ANKS1B: variants seen among roughly 807,000 people sequenced by gnomAD.
ANKS1B encodes the protein ankyrin repeat and sterile alpha motif domain-containing protein 1B.
A neutral mutation model predicts 148.3 loss-of-function variants in ANKS1B; 36 were observed. That is an observed-to-expected ratio of 0.24 (90% confidence interval 0.19 to 0.32). The LOEUF (loss-of-function observed/expected upper bound fraction) is 0.32, where lower values mean the gene tolerates loss of function less well. Ranked by LOEUF, ANKS1B falls within the 10% of genes least tolerant of loss-of-function variation. The probability of loss-of-function intolerance (pLI) is 1.00; values close to 1 mark genes in which losing one functional copy is unlikely to be tolerated. For missense variants in ANKS1B, 1,157 were observed against 1,542.6 expected (o/e 0.75, Z 4.19); for synonymous variants, 542 against 560.8 (o/e 0.97, Z 0.47).
intron 8 of ANKS1B, among the ~76,000 whole-genome samples, chr12:99,671,161 A>G (rs2098536417): frequency 6.6e-6 from 1 of 152,148 alleles, no homozygotes; most frequent in Non-Finnish European, 1.5e-5. Context: ...AATTGCAAGA[A>G]CAATATTTTC....
chr12:99,766,951 T>C (rs955061210), intron 8 of ANKS1B, among the ~76,000 whole-genome samples: 2 of 152,066 alleles, frequency 1.3e-5, no homozygotes, highest in African/African-American at 4.8e-5. Flanking sequence ...GTAAACTTTG[T>C]TTCAGAAACA....
intron 9 of ANKS1B, among the ~76,000 whole-genome samples, chr12:99,515,044 G>T (rs985644545): frequency 3.3e-5 from 5 of 151,420 alleles, no homozygotes; most frequent in South Asian, 2.1e-4. Flanking sequence ...CAACTTTTGT[G>T]GGTGTATAGC....
chr12:99,330,353 TG>T (rs2087267095), intron 12 of ANKS1B, among the ~76,000 whole-genome samples: 2 of 152,040 alleles, frequency 1.3e-5, no homozygotes, highest in South Asian at 2.1e-4. Flanking sequence ...ATAAGAGAAA[TG>T]GAAGATTCCT....
At chr12:99,635,855 T>C (rs1371446088) in intron 9 of ANKS1B, among the ~76,000 whole-genome samples, 1 of 152,096 alleles carries the variant, frequency 6.6e-6, no homozygotes, top group East Asian at 1.9e-4. Flanking sequence ...TAAATGATGC[T>C]AGGACAACTG....
At chr12:99,279,501 C>G (rs2078107796) in intron 12 of ANKS1B, among the ~76,000 whole-genome samples, 1 of 152,112 alleles carries the variant, frequency 6.6e-6, no homozygotes, top group African/African-American at 2.4e-5. Flanking sequence ...AACCACTAAT[C>G]CAGTTTCTCT....
intron 12 of ANKS1B, among the ~76,000 whole-genome samples, chr12:99,338,356 G>C (rs575628265): frequency 1.3e-5 from 2 of 152,252 alleles, no homozygotes; most frequent in Non-Finnish European, 2.9e-5. Context: ...TATTCACTCA[G>C]GGCCCAAAGG....
intron 17 of ANKS1B, among the ~76,000 whole-genome samples, chr12:98,993,905 C>T (rs964273506): frequency 2.6e-5 from 4 of 152,122 alleles, no homozygotes; most frequent in East Asian, 1.9e-4. Context: ...CTAGTGTATT[C>T]GTTTCAGTCC....
chr12:99,819,291 A>G (rs2082226554), intron 2 of ANKS1B, among the ~76,000 whole-genome samples: 1 of 151,926 alleles, frequency 6.6e-6, no homozygotes, highest in African/African-American at 2.4e-5. Context: ...CAGAGTGAAT[A>G]AAGGCAAATT....
intron 12 of ANKS1B, among the ~76,000 whole-genome samples, chr12:99,284,963 T>C (rs1332148834): frequency 6.6e-6 from 1 of 152,232 alleles, no homozygotes; most frequent in Admixed American, 6.5e-5. Context: ...TATTAGGATA[T>C]AATTGGCATA....
At chr12:99,688,505 T>C (rs1407631026) in intron 8 of ANKS1B, among the ~76,000 whole-genome samples, 2 of 152,186 alleles carry the variant, frequency 1.3e-5, no homozygotes, top group Non-Finnish European at 2.9e-5. Flanking sequence ...CAAATGCCTC[T>C]TGATGAGAGA....
chr12:99,276,579 G>T (rs1210241785), intron 12 of ANKS1B, among the ~76,000 whole-genome samples: 2 of 152,190 alleles, frequency 1.3e-5, no homozygotes, highest in Non-Finnish European at 1.5e-5. Flanking sequence ...AGCCAACCCT[G>T]CTGCAACCTT....
chr12:98,911,857 A>G (rs969486150), intron 17 of ANKS1B, among the ~76,000 whole-genome samples: 3 of 152,180 alleles, frequency 2.0e-5, no homozygotes, highest in African/African-American at 7.2e-5. Flanking sequence ...TCATGACCTT[A>G]TCTACTTCTC....
chr12:98,915,054 T>C (rs1306841776), intron 17 of ANKS1B, among the ~76,000 whole-genome samples: 2 of 152,152 alleles, frequency 1.3e-5, no homozygotes, highest in African/African-American at 4.8e-5. Context: ...TGTTATGGGT[T>C]GAATTATGTT....
intron 1 of ANKS1B, among the ~76,000 whole-genome samples, chr12:99,850,568 T>C (rs1026220214): frequency 1.3e-4 from 19 of 151,996 alleles, no homozygotes; most frequent in African/African-American, 4.6e-4. Flanking sequence ...TTTCTACAAA[T>C]ATATGATAGC....
intron 8 of ANKS1B, among the ~76,000 whole-genome samples, chr12:99,757,848 C>A (rs1444788085): frequency 6.6e-6 from 1 of 151,910 alleles, no homozygotes; most frequent in Admixed American, 6.6e-5. Flanking sequence ...AACAGAAAAC[C>A]AAATACCACA....
At chr12:99,626,555 A>G (rs539160582) in intron 9 of ANKS1B, among the ~76,000 whole-genome samples, 1 of 151,920 alleles carries the variant, frequency 6.6e-6, no homozygotes, top group Non-Finnish European at 1.5e-5. Flanking sequence ...TTTCCTCTCC[A>G]TCTTTACTTG....
At chr12:99,758,223 G>T (rs1241342091) in intron 8 of ANKS1B, among the ~76,000 whole-genome samples, 1 of 151,816 alleles carries the variant, frequency 6.6e-6, no homozygotes, top group African/African-American at 2.4e-5. Flanking sequence ...TGCAAAGAAA[G>T]GAACAAAAAC....
chr12:98,946,048 T>C (rs1280044465), intron 17 of ANKS1B, among the ~76,000 whole-genome samples: 2 of 152,228 alleles, frequency 1.3e-5, no homozygotes, highest in Admixed American at 6.5e-5. Context: ...AAGCCAATTG[T>C]GGTTTTTCCA....
At chr12:99,002,288 T>C (rs983326613) in intron 17 of ANKS1B, among the ~76,000 whole-genome samples, 2 of 152,214 alleles carry the variant, frequency 1.3e-5, no homozygotes, top group African/African-American at 4.8e-5. Context: ...AGGGTTCCAA[T>C]GTCTCCACAA....
Sources: gnomAD v4.1 joint callset for allele counts (sites outside exome capture counted in the v4.1 genomes callset) on GRCh38, gnomAD v4.1.1 for gene constraint, MANE v1.5 for transcripts, NCBI Gene and HGNC (gene_info 2026-07-23, HGNC 2026-07-21) for gene names.